Variants in FRMD1 observed in about 807,000 individuals in gnomAD.
The protein encoded by FRMD1 is FERM domain containing 1, also known as FERM domain-containing protein 1.
FRMD1 carries 51 observed loss-of-function variants against 54.9 expected under a neutral mutation model. That is an observed-to-expected ratio of 0.93 (90% confidence interval 0.74 to 1.17). The LOEUF is 1.17. Ranked by LOEUF, FRMD1 falls within the 50% of genes most tolerant of loss-of-function variation. The pLI, the probability that FRMD1 is intolerant of heterozygous loss-of-function variation, is 0.00. For missense variants in FRMD1, 729 were observed against 743.0 expected (o/e 0.98, Z 0.22); for synonymous variants, 324 against 306.4 (o/e 1.06, Z -0.60).
chr6:168,063,801 C>G, intron 5 of FRMD1, 45 bp from the exon 6 acceptor site: 3 of 1,554,986 alleles, frequency 1.9e-6, no homozygotes, highest in Non-Finnish European at 2.6e-6. Context: ...TGCTGGTCCC[C>G]CCTTCCTCCT....
chr6:168,074,234 C>A (rs1282812820), intron 2 of FRMD1, among the ~76,000 whole-genome samples: 1 of 152,200 alleles, frequency 6.6e-6, no homozygotes, highest in East Asian at 1.9e-4. Context: ...CCACTCCCCT[C>A]CACCTGCCGT....
At chr6:168,057,726 G>C (rs998903795) in intron 10 of FRMD1, 2 of 224,926 alleles carry the variant, frequency 8.9e-6, no homozygotes, top group South Asian at 1.2e-4. Flanking sequence ...GGAGGAAACT[G>C]TCTGGGTTCA....
At chr6:168,086,871 C>G (rs1250592297) in intron 1 of FRMD1, among the ~76,000 whole-genome samples, 1 of 152,248 alleles carries the variant, frequency 6.6e-6, no homozygotes, top group African/African-American at 2.4e-5. Context: ...TGCCCTTGGG[C>G]ACCTGTTAGC....
chr6:168,079,150 C>A lies in FRMD1; in HGVS notation c.-56G>T. 6.6e-7 allele frequency: 1 copy of A among 1,517,528 alleles called. No homozygotes were observed. Among genetic ancestry groups the A allele is most frequent in the South Asian group, 1.3e-5 (1 of 79,884 alleles). The allele number at this position is 1,517,528 out of a possible 1,614,324, so 94.0% of individuals were successfully genotyped here. ...GGTCGCAGGTGGGTGCTCAGCACCT[C>A]CCAGATCACAGCTGTGCTTTCCGGG... On this transcript the variant is annotated 5_prime_UTR_variant, in exon 1 of 11. Coordinates refer to ENST00000283309, the MANE Select transcript of FRMD1 (RefSeq NM_024919.6).
At chr6:168,073,360 G>C (rs1044574117) in intron 2 of FRMD1, among the ~76,000 whole-genome samples, 4 of 152,328 alleles carry the variant, frequency 2.6e-5, no homozygotes, top group African/African-American at 9.6e-5. Context: ...GCCCTCAGGG[G>C]CTCATGGTGT....
At chr6:168,058,753 G>A (rs868484238) in intron 10 of FRMD1, among the ~76,000 whole-genome samples, 1 of 152,346 alleles carries the variant, frequency 6.6e-6, no homozygotes, top group African/African-American at 2.4e-5. Flanking sequence ...GGCCCCGGGT[G>A]GAGGAGGTGG....
rs915887041 is a variant in FRMD1, at chr6:168,067,390, C to G, written c.361G>C (p.Asp121His). 1.9e-6 allele frequency: 3 copies of G among 1,605,036 alleles called. No homozygotes were observed. Among genetic ancestry groups the G allele is most frequent in the African/African-American group, 1.3e-5 (1 of 74,600 alleles). Reference sequence around the variant, plus strand: ...ACTTCATTTCTTTCTTTCTTCCAATCTTTTGAGAAGTACTTGCTGAGCTTT... The same window carrying G: ...ACTTCATTTCTTTCTTTCTTCCAATGTTTTGAGAAGTACTTGCTGAGCTTT... ...EQKLSKYFSK[D>H]WKKERNEGNE... The change falls in exon 3 of 11, where the codon GAT becomes CAT. Residue 121 changes from aspartate to histidine, a missense_variant. Transcript: ENST00000283309.
chr6:168,061,282 G>C (rs1417175949), intron 8 of FRMD1, among the ~76,000 whole-genome samples: 2 of 149,268 alleles, frequency 1.3e-5, no homozygotes, highest in Non-Finnish European at 3.0e-5. Flanking sequence ...GCTGAGGCGA[G>C]GCCTTGTGCT....
chr6:168,075,852 C>T (rs1173310247), intron 1 of FRMD1: 4 of 1,515,214 alleles, frequency 2.6e-6, no homozygotes, highest in Non-Finnish European at 3.6e-6. Context: ...TCCGGCGTCC[C>T]GTGTCCACAT....
chr6:168,061,100 A>G (rs1409659187), intron 8 of FRMD1, 43 bp from the exon 9 acceptor site: 2 of 1,567,902 alleles, frequency 1.3e-6, no homozygotes, highest in Non-Finnish European at 1.7e-6. Flanking sequence ...CTGGAGAGGG[A>G]CCAGCCCTGC....
chr6:168,074,108 C>T (rs980040396), intron 2 of FRMD1, among the ~76,000 whole-genome samples: 10 of 152,208 alleles, frequency 6.6e-5, no homozygotes, highest in South Asian at 2.1e-4. Context: ...TGGATACAGG[C>T]GCTGCCACTC....
rs1404260521 is a variant in FRMD1, at chr6:168,055,879, C to T, written c.*1218G>A. On this transcript the variant is annotated 3_prime_UTR_variant, in exon 11 of 11. Coordinates refer to ENST00000283309, the MANE Select transcript of FRMD1 (RefSeq NM_024919.6). ...CCCTTTCACAGAAAGGAGAGGGTCCCCCTGGATGGACCCGTCAAAGAGGCG... is the reference window on the plus strand; with the variant it reads ...CCCTTTCACAGAAAGGAGAGGGTCCTCCTGGATGGACCCGTCAAAGAGGCG... The T allele has an allele frequency of 6.6e-6, 1 of 152,236 alleles. No homozygotes were observed. Among genetic ancestry groups the T allele is most frequent in the Non-Finnish European group, 1.5e-5 (1 of 68,066 alleles). The allele number at this position is 152,236 out of a possible 1,614,324, so 9.4% of individuals were successfully genotyped here. A position where few individuals can be genotyped will look rare whatever the true frequency, so the allele number is the denominator to read the frequency against.
At chr6:168,060,295 G>A (rs1348430388) in intron 9 of FRMD1, among the ~76,000 whole-genome samples, 1 of 135,996 alleles carries the variant, frequency 7.4e-6, no homozygotes, top group African/African-American at 2.8e-5. Context: ...TGGAAGGGGA[G>A]CTTCCTAGGA....
intron 2 of FRMD1, among the ~76,000 whole-genome samples, chr6:168,070,971 G>T (rs944391085): frequency 6.6e-6 from 1 of 152,218 alleles, no homozygotes; most frequent in Non-Finnish European, 1.5e-5. Context: ...CTCTCAGCTC[G>T]TGGCAGGCAG....
intron 1 of FRMD1, among the ~76,000 whole-genome samples, chr6:168,088,332 T>G (rs964611362): frequency 6.6e-6 from 1 of 152,088 alleles, no homozygotes; most frequent in Non-Finnish European, 1.5e-5. Context: ...CCAGAGTCAT[T>G]GGATTTTATT....
At chr6:168,080,576 C>T (rs998876242), upstream of FRMD1, among the ~76,000 whole-genome samples, 7 of 152,146 alleles carry the variant, frequency 4.6e-5, no homozygotes, top group Admixed American at 6.6e-5. Flanking sequence ...ACAGTGCCGG[C>T]GTATCAGGAA....
rs1799347438 is a variant in FRMD1, at chr6:168,054,646, A to G, written c.*2451T>C. ...GTCCATTTTTCTGGAAAATAGCCGT[A>G]TTGCCTAAAAGACCTCTGATCTCAA... On this transcript the variant is annotated 3_prime_UTR_variant, in exon 11 of 11. Coordinates refer to ENST00000283309, the MANE Select transcript of FRMD1 (RefSeq NM_024919.6). 6.6e-6 allele frequency: 1 copy of G among 151,882 alleles called. No homozygotes were observed. The highest frequency in any genetic ancestry group is 2.4e-5 in the African/African-American group (1 of 41,262). The allele number at this position is 151,882 out of a possible 1,614,324, so 9.4% of individuals were successfully genotyped here. A position where few individuals can be genotyped will look rare whatever the true frequency, so the allele number is the denominator to read the frequency against.
At chr6:168,075,804 A>G (rs1800563330) in intron 1 of FRMD1, 1 of 1,550,110 alleles carries the variant, frequency 6.5e-7, no homozygotes, top group South Asian at 1.2e-5. Context: ...CTCTCACGGC[A>G]GCCTCTAAAC....
upstream of FRMD1, among the ~76,000 whole-genome samples, chr6:168,083,316 GGCGCTGGAAAGGCCGT>G (rs1562434245): frequency 6.6e-6 from 1 of 152,198 alleles, no homozygotes; most frequent in Non-Finnish European, 1.5e-5. Context: ...AGACAGGATG[GGCGCTGGAAAGGCCGT>G]GACCTGCCTG....
Sources: gnomAD v4.1 joint callset for allele counts (sites outside exome capture counted in the v4.1 genomes callset) on GRCh38, gnomAD v4.1.1 for gene constraint, MANE v1.5 for transcripts, NCBI Gene and HGNC (gene_info 2026-07-23, HGNC 2026-07-21) for gene names.